The following NRG1 variants were observed in gnomAD, a reference collection of about 807,000 sequenced individuals.
NRG1 encodes the protein pro-neuregulin-1, membrane-bound isoform.
A neutral mutation model predicts 63.8 loss-of-function variants in NRG1; 18 were observed. The ratio of observed to expected loss-of-function variants is 0.28; its 90% CI spans 0.19 to 0.42. NRG1 has a LOEUF of 0.42. Ranked by LOEUF, NRG1 falls within the 10% of genes least tolerant of loss-of-function variation. The probability of loss-of-function intolerance (pLI) is 1.00; values close to 1 mark genes in which losing one functional copy is unlikely to be tolerated. For synonymous variants in NRG1, 302 were observed against 301.3 expected (o/e 1.00, Z -0.02); for missense variants, 762 against 814.7 (o/e 0.94, Z 0.79).
chr8:31,887,263 A>G (rs758111517), intron 1 of NRG1, among the ~76,000 whole-genome samples: 35 of 152,124 alleles, frequency 2.3e-4, no homozygotes, highest in Non-Finnish European at 4.4e-4. Context: ...ACAAACATAC[A>G]TAAGAGAAAA....
rs55951634 is a variant in NRG1, at chr8:32,196,118, AGTGTGT to A, written c.38-399681_38-399676del. On this transcript the variant is annotated intron_variant, in intron 1 of 10. Transcript: ENST00000519301. ...CAAATAATGTGCAGTAAAAACAATGAGTGTGTGTGTGTGTGTGTGTGTGTGTGTGTG... is the reference window on the plus strand; with the variant it reads ...CAAATAATGTGCAGTAAAAACAATGAGTGTGTGTGTGTGTGTGTGTGTGTG... Among the ~76,000 whole-genome samples, 229 of 146,948 alleles carry A rather than the reference AGTGTGT, an allele frequency of 1.6e-3. 2 individuals carry two copies. Among genetic ancestry groups the A allele is most frequent in the Middle Eastern group, 3.5e-3 (1 of 288 alleles).
chr8:31,861,126 A>G (rs1003242900), intron 1 of NRG1, among the ~76,000 whole-genome samples: 12 of 152,320 alleles, frequency 7.9e-5, no homozygotes, highest in African/African-American at 2.9e-4. Flanking sequence ...GTCAAGGGCA[A>G]GAAAAGAAAG....
At chr8:31,745,680 T>A (rs986470544) in intron 1 of NRG1, among the ~76,000 whole-genome samples, 15 of 151,934 alleles carry the variant, frequency 9.9e-5, no homozygotes, top group Non-Finnish European at 1.8e-4. Flanking sequence ...AATATTTCTT[T>A]ATGTATACAT....
chr8:32,429,074 A>G (rs1817798534), intron 1 of NRG1, among the ~76,000 whole-genome samples: 2 of 152,300 alleles, frequency 1.3e-5, no homozygotes, highest in East Asian at 3.9e-4. Context: ...ATGCAAGCCA[A>G]CATAGTCACG....
intron 1 of NRG1, among the ~76,000 whole-genome samples, chr8:32,575,838 G>A (rs1839525945): frequency 6.6e-6 from 1 of 152,136 alleles, no homozygotes; most frequent in South Asian, 2.1e-4. Context: ...ACCCAGATAT[G>A]CTAGTCTTAT....
chr8:32,065,774 A>G lies in NRG1; in HGVS notation c.37+426343A>G, dbSNP rs185799556. 7.3e-3 allele frequency among the ~76,000 whole-genome samples: 1,114 copies of G among 152,264 alleles called. 17 individuals carry two copies. Among genetic ancestry groups the G allele is most frequent in the African/African-American group, 0.025 (1,059 of 41,544 alleles). ...AGGAATCGCCACCCTGACTTCCACAATGGTTGAACTAGTTTACAGTCCCAC... is the reference window on the plus strand; with the variant it reads ...AGGAATCGCCACCCTGACTTCCACAGTGGTTGAACTAGTTTACAGTCCCAC... On this transcript the variant is annotated intron_variant, in intron 1 of 10. Transcript: ENST00000519301.
At chr8:31,658,403 A>G (rs931604715) in intron 1 of NRG1, among the ~76,000 whole-genome samples, 3 of 152,184 alleles carry the variant, frequency 2.0e-5, no homozygotes, top group African/African-American at 7.2e-5. Context: ...TGTCTCTCTC[A>G]GATCAGTGAG....
chr8:32,176,520 T>C (rs1840749074), intron 1 of NRG1, among the ~76,000 whole-genome samples: 2 of 152,164 alleles, frequency 1.3e-5, no homozygotes, highest in African/African-American at 4.8e-5. Context: ...CAAAAGAAAC[T>C]ACCATCAGAG....
At chr8:32,630,184 A>G (rs1438095768) in intron 5 of NRG1, among the ~76,000 whole-genome samples, 1 of 152,164 alleles carries the variant, frequency 6.6e-6, no homozygotes, top group Admixed American at 6.5e-5. Flanking sequence ...CCTCTATGCT[A>G]CTAGTCTAAA....
intron 1 of NRG1, among the ~76,000 whole-genome samples, chr8:31,666,109 G>A (rs974230327): frequency 6.6e-6 from 1 of 152,068 alleles, no homozygotes; most frequent in Non-Finnish European, 1.5e-5. Context: ...TTTAATTATT[G>A]CATTAATTAC....
chr8:32,589,704 C>T (rs1345686991), intron 1 of NRG1, among the ~76,000 whole-genome samples: 1 of 152,178 alleles, frequency 6.6e-6, no homozygotes. Context: ...CAGACACATG[C>T]TAAAATTTGT....
chr8:31,753,537 G>A (rs1816689819), intron 1 of NRG1, among the ~76,000 whole-genome samples: 1 of 152,050 alleles, frequency 6.6e-6, no homozygotes, highest in African/African-American at 2.4e-5. Context: ...AGTCAATTAA[G>A]GAGCCATAAC....
intron 1 of NRG1, among the ~76,000 whole-genome samples, chr8:32,160,861 T>G (rs1234269470): frequency 1.3e-5 from 2 of 152,212 alleles, no homozygotes; most frequent in Admixed American, 1.3e-4. Flanking sequence ...TCCTTATTTT[T>G]CCTCTGGTAA....
intron 1 of NRG1, among the ~76,000 whole-genome samples, chr8:32,406,296 C>T (rs889776825): frequency 6.6e-6 from 1 of 152,154 alleles, no homozygotes; most frequent in African/African-American, 2.4e-5. Context: ...TGGGTTTGAG[C>T]TGCTCAGTCT....
Position 32,756,949 on chromosome 8 carries a change from T to C in NRG1, c.921+420T>C, listed in dbSNP as rs900603097. Among the ~76,000 whole-genome samples, 11 of 152,210 alleles carry C rather than the reference T, an allele frequency of 7.2e-5. No homozygotes were observed. In the South Asian group the frequency reaches 2.3e-3, roughly 32 times the overall value. ...GCAAAGAGCTTTAGAGTTATTTTCT[T>C]AGGGCAATTCACAGTGCCTGATGAT... On this transcript the variant is annotated intron_variant, in intron 9 of 11. Coordinates refer to ENST00000356819, the Ensembl canonical transcript of NRG1.
chr8:32,247,766 G>A (rs1419036305), intron 1 of NRG1, among the ~76,000 whole-genome samples: 2 of 152,046 alleles, frequency 1.3e-5, no homozygotes, highest in African/African-American at 4.8e-5. Flanking sequence ...TATTAAATAA[G>A]CAAGGACGTG....
intron 1 of NRG1, among the ~76,000 whole-genome samples, chr8:31,965,145 T>C (rs185349410): frequency 2.8e-4 from 43 of 152,246 alleles, no homozygotes; most frequent in Admixed American, 7.2e-4. Flanking sequence ...GGCATATATA[T>C]ATATACTACA....
At chr8:32,743,596 A>ATATATATATATATATATATATATATATAT (rs58229077) in intron 7 of NRG1, among the ~76,000 whole-genome samples, 1 of 143,914 alleles carries the variant, frequency 6.9e-6, no homozygotes, top group African/African-American at 2.6e-5. Context: ...ATATATATAT[A>ATATATATATATATATATATATATATATAT]AAACTTAATA....
intron 1 of NRG1, among the ~76,000 whole-genome samples, chr8:32,168,761 C>T (rs1430864790): frequency 6.6e-6 from 1 of 152,186 alleles, no homozygotes; most frequent in Non-Finnish European, 1.5e-5. Flanking sequence ...CTACTCAAAT[C>T]TTATCAACAA....
Sources: gnomAD v4.1 joint callset for allele counts (sites outside exome capture counted in the v4.1 genomes callset) on GRCh38, gnomAD v4.1.1 for gene constraint, MANE v1.5 for transcripts, NCBI Gene and HGNC (gene_info 2026-07-23, HGNC 2026-07-21) for gene names.